The following PBX1 variants were observed in gnomAD, a reference collection of about 807,000 sequenced individuals.
The protein encoded by PBX1 is pre-B-cell leukemia transcription factor 1.
PBX1 carries 6 observed loss-of-function variants against 53.4 expected under a neutral mutation model. The ratio of observed to expected loss-of-function variants is 0.11; its 90% confidence interval spans 0.06 to 0.22. The LOEUF is 0.22. Among genes scored for constraint, PBX1 ranks in the 10% least tolerant of loss-of-function variants. PBX1 has a pLI of 1.00. For synonymous variants in PBX1, 204 were observed against 212.3 expected (o/e 0.96, Z 0.34); for missense variants, 251 against 551.4 (o/e 0.46, Z 5.46).
At position 164,636,780 on chromosome 1, in the gene PBX1, A is replaced by G. The variant is rs1280706424; in HGVS notation, c.265+73469A>G. Among the ~76,000 whole-genome samples, 4 of 151,898 alleles carry G rather than the reference A, an allele frequency of 2.6e-5. No individual in the cohort carries two copies. The East Asian group carries it at 7.8e-4, about 29-fold the overall frequency. On this transcript the variant is annotated intron_variant, in intron 2 of 8. Transcript: ENST00000420696. ...AGGCCTGAGTTTTTTTATATTTTCC[A>G]CCAAGCTGCTGATTCTAAACTGTGG...
At chr1:164,857,077 C>A (rs987914055) in intron 2 of PBX1, among the ~76,000 whole-genome samples, 1 of 152,148 alleles carries the variant, frequency 6.6e-6, no homozygotes, top group Non-Finnish European at 1.5e-5. Flanking sequence ...ACCAACTACC[C>A]GGAATTAGCT....
Position 164,678,745 on chromosome 1 carries a change from C to T in PBX1, c.266-113749C>T, listed in dbSNP as rs1321270465. Among the ~76,000 whole-genome samples, 7 of 152,284 alleles carry T rather than the reference C, an allele frequency of 4.6e-5. No homozygotes were observed. In the East Asian group the frequency reaches 1.3e-3, roughly 29 times the overall value. On this transcript the variant is annotated intron_variant, in intron 2 of 8. Coordinates refer to ENST00000420696, the MANE Select transcript of PBX1 (RefSeq NM_002585.4). ...AGGTGATAGATTGTTACTATCAACA[C>T]AGTGCTAAGGAAACCACAGCTAAGG...
In PBX1 at chr1:164,779,308, C is replaced by G. The variant is rs147270033; in HGVS notation, c.266-13186C>G. ...CTTATTTCTGGTCAAGTTTCCCCAGCTGAAATATAGGTTCTGTCAAAGAGT... is the reference window on the plus strand; with the variant it reads ...CTTATTTCTGGTCAAGTTTCCCCAGGTGAAATATAGGTTCTGTCAAAGAGT... On this transcript the variant is annotated intron_variant, in intron 2 of 8. Transcript: ENST00000420696. Among the ~76,000 whole-genome samples the G allele has an allele frequency of 2.8e-3, 428 of 152,118 alleles. 5 individuals carry two copies. The South Asian group carries it at 0.041, about 14-fold the overall frequency.
At chr1:164,757,249 A>G (rs924164825) in intron 2 of PBX1, among the ~76,000 whole-genome samples, 2 of 152,214 alleles carry the variant, frequency 1.3e-5, no homozygotes, top group Non-Finnish European at 2.9e-5. Flanking sequence ...ATATTTTTGA[A>G]AAGCTGATCA....
intron 2 of PBX1, among the ~76,000 whole-genome samples, chr1:164,752,206 T>G (rs1005977826): frequency 7.0e-6 from 1 of 143,026 alleles, no homozygotes; most frequent in Non-Finnish European, 1.5e-5. Context: ...CTTTAAGGTT[T>G]TGTGTGTGTG....
chr1:164,680,761 C>T (rs1382950922), intron 2 of PBX1: 1 of 152,240 alleles, frequency 6.6e-6, no homozygotes, highest in Non-Finnish European at 1.5e-5. Flanking sequence ...TCCCTTTGGA[C>T]ACAATGTAGA....
intron 2 of PBX1, among the ~76,000 whole-genome samples, chr1:164,567,502 C>CT (rs988262960): frequency 1.3e-4 from 19 of 151,738 alleles, no homozygotes; most frequent in African/African-American, 4.6e-4. Flanking sequence ...ATGAAAGGAA[C>CT]TTACAAATCA....
intron 2 of PBX1, among the ~76,000 whole-genome samples, chr1:164,606,775 C>G (rs2101815795): frequency 6.6e-6 from 1 of 152,270 alleles, no homozygotes; most frequent in Non-Finnish European, 1.5e-5. Flanking sequence ...ACAGTTCATT[C>G]TTTGTGCATG....
chr1:164,586,748 T>C (rs1654973052), intron 2 of PBX1, among the ~76,000 whole-genome samples: 1 of 152,182 alleles, frequency 6.6e-6, no homozygotes, highest in Non-Finnish European at 1.5e-5. Context: ...GAACATGGCA[T>C]AGATTTAGAA....
chr1:164,686,811 G>C (rs1189102696), intron 2 of PBX1, among the ~76,000 whole-genome samples: 1 of 152,112 alleles, frequency 6.6e-6, no homozygotes, highest in South Asian at 2.1e-4. Context: ...ACAAAAATTA[G>C]CCGGGTGTGG....
At chr1:164,881,064 T>A (rs931912082) in intron 2 of PBX1, among the ~76,000 whole-genome samples, 2 of 152,198 alleles carry the variant, frequency 1.3e-5, no homozygotes, top group Admixed American at 1.3e-4. Flanking sequence ...CTGGTCTTTA[T>A]GAACATTGCT....
intron 2 of PBX1, among the ~76,000 whole-genome samples, chr1:164,655,700 C>T (rs116093054): frequency 6.6e-6 from 1 of 152,130 alleles, no homozygotes; most frequent in African/African-American, 2.4e-5. Context: ...TGACTGCAAT[C>T]ATTTGTTTTG....
chr1:164,608,446 A>G (rs189504601), intron 2 of PBX1, among the ~76,000 whole-genome samples: 95 of 152,280 alleles, frequency 6.2e-4, no homozygotes, highest in Admixed American at 1.8e-3. Flanking sequence ...TGGTAAAAGA[A>G]TGCCAGATTT....
chr1:164,729,482 ATG>A (rs908281904), intron 2 of PBX1, among the ~76,000 whole-genome samples: 13 of 152,188 alleles, frequency 8.5e-5, no homozygotes, highest in African/African-American at 2.4e-4. Context: ...TTGTGTAAAT[ATG>A]TATATATACA....
intron 8 of PBX1, among the ~76,000 whole-genome samples, chr1:164,844,095 T>TTTTCTTTC (rs201446962): frequency 1.0e-4 from 15 of 143,730 alleles, no homozygotes; most frequent in South Asian, 2.2e-4. Context: ...TACATGCCTT[T>TTTTCTTTC]TTTCTTTCTT....
chr1:164,721,639 C>T (rs1664410131), intron 2 of PBX1, among the ~76,000 whole-genome samples: 1 of 152,130 alleles, frequency 6.6e-6, no homozygotes, highest in African/African-American at 2.4e-5. Flanking sequence ...TGTGAAAAAT[C>T]GAGTTACCAG....
Position 164,767,314 on chromosome 1 carries a change from G to A in PBX1, c.266-25180G>A, listed in dbSNP as rs577475922. Among the ~76,000 whole-genome samples, 3 of 152,226 alleles carry A rather than the reference G, an allele frequency of 2.0e-5. 1 individual carries two copies. The highest frequency in any genetic ancestry group is 7.2e-5 in the African/African-American group (3 of 41,542). On this transcript the variant is annotated intron_variant, in intron 2 of 8. Coordinates refer to ENST00000420696, the MANE Select transcript of PBX1 (RefSeq NM_002585.4). ...GTCATCAGAGCATGAAACCAAACAC[G>A]GGGTCCTTCTGCATGAGGGGCCCTG...
intron 2 of PBX1, among the ~76,000 whole-genome samples, chr1:164,642,541 G>A (rs532392182): frequency 9.9e-5 from 15 of 152,276 alleles, no homozygotes; most frequent in African/African-American, 3.4e-4. Context: ...TGAGGCCTAG[G>A]ATAGTACTGT....
downstream of PBX1, among the ~76,000 whole-genome samples, chr1:164,855,857 C>T (rs1671965499): frequency 6.6e-6 from 1 of 152,190 alleles, no homozygotes; most frequent in African/African-American, 2.4e-5. Context: ...TGAGAATGAC[C>T]TTTGAAATAT....
Sources: gnomAD v4.1 joint callset for allele counts (sites outside exome capture counted in the v4.1 genomes callset) on GRCh38, gnomAD v4.1.1 for gene constraint, MANE v1.5 for transcripts, NCBI Gene and HGNC (gene_info 2026-07-23, HGNC 2026-07-21) for gene names.